The following SYNE1 variants were observed in gnomAD, a reference collection of about 807,000 sequenced individuals.
SYNE1 encodes the protein spectrin repeat containing nuclear envelope protein 1.
Under a neutral mutation model 1,111.0 loss-of-function variants are expected in SYNE1, and 616 were observed. The observed-to-expected ratio is 0.55, with a 90% CI of 0.52 to 0.59. SYNE1 has a LOEUF of 0.59. Ranked by LOEUF, SYNE1 falls within the 20% of genes least tolerant of loss-of-function variation. SYNE1 has a pLI of 0.00. For synonymous variants in SYNE1, 3,855 were observed against 3,825.8 expected (o/e 1.01, Z -0.28); for missense variants, 10,006 against 10,417.0 (o/e 0.96, Z 1.72).
rs563005927 is a variant in SYNE1, at chr6:152,208,662, A to G, written c.22590-456T>C. 2.0e-5 allele frequency among the ~76,000 whole-genome samples: 3 copies of G among 152,360 alleles called. No homozygotes were observed. In the South Asian group the frequency reaches 6.2e-4, roughly 32 times the overall value. On this transcript the variant is annotated intron_variant, in intron 124 of 145. Coordinates refer to ENST00000367255, the MANE Select transcript of SYNE1 (RefSeq NM_182961.4). Reference sequence around the variant, plus strand: ...AACCTCTGTCTTCAGTTCGAATCATAAGCCACTTGAATCAAATTATGTAAT... The same window carrying G: ...AACCTCTGTCTTCAGTTCGAATCATGAGCCACTTGAATCAAATTATGTAAT...
intron 130 of SYNE1, among the ~76,000 whole-genome samples, chr6:152,168,563 C>T (rs1207590769): frequency 6.6e-6 from 1 of 152,202 alleles, no homozygotes; most frequent in Non-Finnish European, 1.5e-5. Context: ...GTCAACTTTT[C>T]TTGCGGGCAG....
chr6:152,284,610 ATTTTTTT>A (rs760978831), intron 95 of SYNE1, among the ~76,000 whole-genome samples: 10 of 108,156 alleles, frequency 9.2e-5, no homozygotes, highest in Admixed American at 2.9e-4. Context: ...ACACCTGGTA[ATTTTTTT>A]TTTTTTTTTT....
In SYNE1 at chr6:152,167,353, A is replaced by C. The variant is rs1324454; in HGVS notation, c.23628-3028T>G. 4.0e-3 allele frequency among the ~76,000 whole-genome samples: 606 copies of C among 152,302 alleles called. 2 individuals are homozygous for C. Among genetic ancestry groups the C allele is most frequent in the African/African-American group, 0.014 (581 of 41,558 alleles). On this transcript the variant is annotated intron_variant, in intron 130 of 145. Coordinates refer to ENST00000367255, the MANE Select transcript of SYNE1 (RefSeq NM_182961.4). ...TTTAGTATATCCATAACCCAAAACA[A>C]AACAAAAAGTCCAAATTCTAAATAT...
At chr6:152,153,571 G>A (rs1207416115) in intron 133 of SYNE1, among the ~76,000 whole-genome samples, 1 of 152,176 alleles carries the variant, frequency 6.6e-6, no homozygotes, top group Non-Finnish European at 1.5e-5. Context: ...AATCTGCTTT[G>A]CAGTATAAGC....
chr6:152,628,346 C>A lies in SYNE1; in HGVS notation c.-15G>T, dbSNP rs1469913659. On this transcript the variant is annotated 5_prime_UTR_variant, in exon 3 of 146. Transcript: ENST00000367255. ...GAGGTTGCCATGGTCCCTCCGGAAG[C>A]ACGAAGCCAACACCAAGAGACTCTT... The A allele has an allele frequency of 6.2e-7, 1 of 1,613,948 alleles. No individual in the cohort carries two copies. The highest frequency in any genetic ancestry group is 8.5e-7 in the Non-Finnish European group (1 of 1,179,962).
intron 3 of SYNE1, among the ~76,000 whole-genome samples, chr6:152,599,213 A>G (rs1019600139): frequency 6.6e-6 from 1 of 152,234 alleles, no homozygotes; most frequent in Non-Finnish European, 1.5e-5. Context: ...TGGACAAGCC[A>G]CTGGCTAATA....
chr6:152,597,293 T>C (rs2099584684), intron 3 of SYNE1, among the ~76,000 whole-genome samples: 1 of 152,162 alleles, frequency 6.6e-6, no homozygotes, highest in Non-Finnish European at 1.5e-5. Flanking sequence ...TCTTTTTTCT[T>C]AGATACAGTG....
At chr6:152,233,699 G>A in intron 112 of SYNE1, 82 bp downstream of exon 112, 1 of 1,537,068 alleles carries the variant, frequency 6.5e-7, no homozygotes, top group Non-Finnish European at 8.9e-7. Context: ...ATATAAATTT[G>A]TGAGCAAAAG....
At chr6:152,272,222 A>T (rs1222160223) in intron 98 of SYNE1, among the ~76,000 whole-genome samples, 1 of 152,202 alleles carries the variant, frequency 6.6e-6, no homozygotes, top group African/African-American at 2.4e-5. Flanking sequence ...TTCAAATTTC[A>T]TTCTCTTTCC....
intron 118 of SYNE1, 137 bp from the exon 119 acceptor site, chr6:152,221,183 G>A (rs2080095519): frequency 8.8e-7 from 1 of 1,138,376 alleles, no homozygotes; most frequent in Non-Finnish European, 1.3e-6. Flanking sequence ...AAAAATTAAT[G>A]TTTCATATTC....
intron 33 of SYNE1, 169 bp downstream of exon 33, chr6:152,435,772 T>A: frequency 2.5e-6 from 2 of 800,132 alleles, no homozygotes; most frequent in Non-Finnish European, 3.9e-6. Context: ...TAGATATTGG[T>A]TTCTGTATTA....
chr6:152,282,733 G>T (rs934765255), intron 96 of SYNE1, among the ~76,000 whole-genome samples: 1 of 151,846 alleles, frequency 6.6e-6, no homozygotes, highest in African/African-American at 2.4e-5. Flanking sequence ...ATTTAAAATA[G>T]AAATTAAGAA....
At chr6:152,164,629 T>C (rs1156932342) in intron 130 of SYNE1, among the ~76,000 whole-genome samples, 1 of 152,192 alleles carries the variant, frequency 6.6e-6, no homozygotes, top group African/African-American at 2.4e-5. Context: ...CCACAGGTAG[T>C]ATTTCTCAAC....
intron 130 of SYNE1, among the ~76,000 whole-genome samples, chr6:152,171,850 G>T (rs1350181628): frequency 6.6e-6 from 1 of 152,050 alleles, no homozygotes. Flanking sequence ...ATAATAACAC[G>T]CTAATAGCAA....
chr6:152,601,121 T>C (rs971298098), intron 3 of SYNE1, among the ~76,000 whole-genome samples: 5 of 152,264 alleles, frequency 3.3e-5, no homozygotes, highest in African/African-American at 9.6e-5. Context: ...CAAATGGATA[T>C]GGGATATATG....
intron 3 of SYNE1, among the ~76,000 whole-genome samples, chr6:152,582,108 C>T (rs1033353814): frequency 6.6e-6 from 1 of 152,054 alleles, no homozygotes; most frequent in African/African-American, 2.4e-5. Context: ...ATCGTATCCC[C>T]CTCCACCCCC....
At chr6:152,617,784 A>G (rs1351532735) in intron 3 of SYNE1, among the ~76,000 whole-genome samples, 3 of 152,184 alleles carry the variant, frequency 2.0e-5, no homozygotes, top group East Asian at 3.9e-4. Flanking sequence ...GGCTGGTGGT[A>G]TTAGGAAAGG....
intron 11 of SYNE1, 132 bp downstream of exon 11, chr6:152,498,610 C>T (rs541416037): frequency 3.7e-5 from 20 of 534,850 alleles, no homozygotes; most frequent in African/African-American, 2.2e-4. Flanking sequence ...AGAAAGGAAA[C>T]GCAAATGATG....
At chr6:152,607,789 C>T (rs566778487) in intron 3 of SYNE1, among the ~76,000 whole-genome samples, 92 of 152,268 alleles carry the variant, frequency 6.0e-4, no homozygotes, top group Admixed American at 1.2e-3. Flanking sequence ...AACCCAGATG[C>T]CCATCAGTGA....
Sources: gnomAD v4.1 joint callset for allele counts (sites outside exome capture counted in the v4.1 genomes callset) on GRCh38, gnomAD v4.1.1 for gene constraint, MANE v1.5 for transcripts, NCBI Gene and HGNC (gene_info 2026-07-23, HGNC 2026-07-21) for gene names.